LRP5: variants seen among roughly 807,000 people sequenced by gnomAD.
LRP5 encodes the protein low-density lipoprotein receptor-related protein 5.
LRP5 carries 62 observed loss-of-function variants against 154.1 expected under a neutral mutation model. That is an observed-to-expected ratio of 0.40 (90% CI 0.33 to 0.50). The LOEUF is 0.50. LRP5 is among the 20% of genes least tolerant of loss of function. The probability of loss-of-function intolerance (pLI) is 0.55; values close to 1 mark genes in which losing one functional copy is unlikely to be tolerated. For synonymous variants in LRP5, 966 were observed against 1,011.5 expected, an observed-to-expected ratio of 0.96 and a Z score of 0.85; for missense variants, 1,915 against 2,336.7, an observed-to-expected ratio of 0.82 and a Z score of 3.72.
chr11:68,371,127 A>G (rs1413525655), intron 5 of LRP5, among the ~76,000 whole-genome samples: 1 of 152,170 alleles, frequency 6.6e-6, no homozygotes, highest in South Asian at 2.1e-4. Flanking sequence ...GAAGTGTTCC[A>G]GGGGCAGCTG....
intron 9 of LRP5, 87 bp from the exon 10 acceptor site, chr11:68,409,827 G>T: frequency 1.9e-6 from 2 of 1,052,480 alleles, no homozygotes; most frequent in Non-Finnish European, 1.4e-6. Context: ...TCCAGGCTGG[G>T]CAAGAAGAGC....
intron 7 of LRP5, among the ~76,000 whole-genome samples, chr11:68,392,518 TAAAA>T (rs1362062124): frequency 6.6e-6 from 1 of 151,742 alleles, no homozygotes; most frequent in Non-Finnish European, 1.5e-5. Context: ...AATAAATAAA[TAAAA>T]AAAATTTTAA....
intron 17 of LRP5, among the ~76,000 whole-genome samples, chr11:68,429,911 C>G (rs141434806): frequency 1.7e-4 from 26 of 152,312 alleles, no homozygotes; most frequent in Middle Eastern, 3.4e-3. Flanking sequence ...CTGCATCTCA[C>G]AAATTTTGTT....
intron 7 of LRP5, among the ~76,000 whole-genome samples, chr11:68,395,854 T>G (rs2098649038): frequency 6.6e-6 from 1 of 152,160 alleles, no homozygotes; most frequent in Non-Finnish European, 1.5e-5. Context: ...CTCCTGCAAG[T>G]GGCCACCGCT....
chr11:68,353,410 C>G lies in LRP5; in HGVS notation c.489-4240C>G, dbSNP rs910450424. On this transcript the variant is annotated intron_variant, in intron 2 of 22. Transcript: ENST00000294304. This position sits in a 1 kb window ranked among gnomAD's most constrained non-coding sequence, Gnocchi z 4.5. ...ATGGTCCTACCCTGAGGTGCTGACTCTGTCCCTGTAGGCTCCATGTCTCCG... is the reference window on the plus strand; with the variant it reads ...ATGGTCCTACCCTGAGGTGCTGACTGTGTCCCTGTAGGCTCCATGTCTCCG... Among the ~76,000 whole-genome samples the G allele has an allele frequency of 2.0e-5, 3 of 152,200 alleles. No homozygotes were observed. Among genetic ancestry groups the G allele is most frequent in the African/African-American group, 7.2e-5 (3 of 41,426 alleles).
At chr11:68,351,050 A>G (rs537582136) in intron 2 of LRP5, among the ~76,000 whole-genome samples, 27 of 152,278 alleles carry the variant, frequency 1.8e-4, no homozygotes, top group Non-Finnish European at 3.4e-4. Flanking sequence ...GTGAGCGAGT[A>G]TGTGCGCGAG....
At chr11:68,331,915 G>A (rs898911682) in intron 1 of LRP5, among the ~76,000 whole-genome samples, 2 of 152,136 alleles carry the variant, frequency 1.3e-5, no homozygotes, top group African/African-American at 4.8e-5. Flanking sequence ...AGTGTGAGGC[G>A]GGCAGATGTG....
At chr11:68,405,088 G>A (rs2098654837) in intron 8 of LRP5, among the ~76,000 whole-genome samples, 1 of 151,922 alleles carries the variant, frequency 6.6e-6, no homozygotes, top group South Asian at 2.1e-4. Context: ...AACCCAGGAG[G>A]TAGAGGTTGT....
chr11:68,397,972 T>TTTTGTGTGTGTGTG (rs140344378), intron 7 of LRP5, among the ~76,000 whole-genome samples: 1 of 142,092 alleles, frequency 7.0e-6, no homozygotes, highest in South Asian at 2.3e-4. Flanking sequence ...CTGTGTGTGT[T>TTTTGTGTGTGTGTG]TGTGTGTGTG....
intron 8 of LRP5, chr11:68,404,025 G>A (rs1268079409): frequency 2.4e-5 from 11 of 467,354 alleles, no homozygotes; most frequent in South Asian, 8.5e-5. Context: ...TGCCCTACTC[G>A]CACTGGGGAG....
At chr11:68,419,408 A>AT (rs953085841) in intron 13 of LRP5, among the ~76,000 whole-genome samples, 283 of 142,978 alleles carry the variant, frequency 2.0e-3, no homozygotes, top group African/African-American at 6.4e-3. Context: ...GATTTTTTGT[A>AT]TTTTTTTTTT....
At chr11:68,359,818 G>A (rs1414610951) in intron 3 of LRP5, among the ~76,000 whole-genome samples, 5 of 140,140 alleles carry the variant, frequency 3.6e-5, no homozygotes, top group Non-Finnish European at 7.6e-5. Flanking sequence ...ATGGAGTCTT[G>A]CTCTGTCCCC....
At chr11:68,420,113 A>G (rs896474936) in intron 13 of LRP5, among the ~76,000 whole-genome samples, 10 of 152,226 alleles carry the variant, frequency 6.6e-5, no homozygotes, top group African/African-American at 2.4e-4. Flanking sequence ...TGCAGTTGAC[A>G]GTTCAGTGGC....
At chr11:68,302,796 G>C in the LRP5 span, among the ~76,000 whole-genome samples, 2 of 152,362 alleles carry the variant, frequency 1.3e-5, no homozygotes, top group East Asian at 3.9e-4. Context: ...CCGTGGCGCT[G>C]AACAGGTGGC....
In LRP5 at chr11:68,379,056, AT is replaced by A. The variant is rs1368379558; in HGVS notation, c.1016-7259del. Among the ~76,000 whole-genome samples the A allele has an allele frequency of 4.6e-5, 7 of 152,242 alleles. No homozygotes were observed. The South Asian group carries it at 1.2e-3, about 27-fold the overall frequency. On this transcript the variant is annotated intron_variant, in intron 5 of 22. Coordinates refer to ENST00000294304, the MANE Select transcript of LRP5 (RefSeq NM_002335.4). The stretch of plus-strand genomic sequence containing the variant: ...GCGAGACTCTGTCTCAAAAAAAAAA[AT>A]AAAAATAAAATAAATAAATACATAA...
chr11:68,442,725 G>A (rs775539344), intron 21 of LRP5, among the ~76,000 whole-genome samples: 2 of 152,198 alleles, frequency 1.3e-5, no homozygotes, highest in African/African-American at 2.4e-5. Flanking sequence ...GAGCTCTACC[G>A]TAACCCATCT....
the LRP5 span, among the ~76,000 whole-genome samples, chr11:68,303,722 T>C: frequency 6.6e-6 from 1 of 152,202 alleles, no homozygotes; most frequent in African/African-American, 2.4e-5. Flanking sequence ...CTCGATCTCC[T>C]GATCTCGTGA....
chr11:68,428,165 T>C (rs2098669930), intron 16 of LRP5, among the ~76,000 whole-genome samples: 1 of 151,824 alleles, frequency 6.6e-6, no homozygotes, highest in East Asian at 1.9e-4. Context: ...GCTAATTTTT[T>C]TGTATTTTTA....
chr11:68,305,674 C>T, the LRP5 span, among the ~76,000 whole-genome samples: 2 of 152,264 alleles, frequency 1.3e-5, no homozygotes, highest in Middle Eastern at 3.4e-3. Context: ...AACTCCTGAC[C>T]TCAAGTGATC....
Sources: allele counts gnomAD v4.1 joint callset (sites outside exome capture counted in the v4.1 genomes callset), GRCh38; gene constraint gnomAD v4.1.1; non-coding constraint Gnocchi (gnomAD v3.1); transcripts MANE v1.5; gene names NCBI Gene and HGNC (gene_info 2026-07-23, HGNC 2026-07-21).